Variants in SHISA5 observed in about 807,000 individuals in gnomAD.
SHISA5 encodes shisa family member 5.
Under a neutral mutation model 27.5 loss-of-function variants are expected in SHISA5, and 21 were observed. The ratio of observed to expected loss-of-function variants is 0.76; its 90% CI spans 0.54 to 1.10. The LOEUF is 1.10. Among genes scored for constraint, SHISA5 ranks in the 50% least tolerant of loss-of-function variants. The probability of loss-of-function intolerance (pLI) is 0.00; values close to 1 mark genes in which losing one functional copy is unlikely to be tolerated. For synonymous variants in SHISA5, 137 were observed against 142.2 expected (o/e 0.96, Z 0.26); for missense variants, 314 against 336.3 (o/e 0.93, Z 0.52).
chr3:48,491,421 C>T (rs62264271), intron 2 of SHISA5, among the ~76,000 whole-genome samples: 36,556 of 151,756 alleles, frequency 0.24, 5,429 homozygotes, highest in East Asian at 0.64. Context: ...CCCGGCCTAA[C>T]CAATGTATTT....
Position 48,469,497 on chromosome 3 carries a change from G to A in SHISA5, c.507C>T (p.Tyr169=). ...YPQPPSVPPS[Y]PGPSYQGYHT... Reference sequence around the variant, plus strand: ...GGTAGCCCTGGTAGCTTGGTCCAGGGTAGCTGGGCGGCACACTTGGAGGCT... The same window carrying A: ...GGTAGCCCTGGTAGCTTGGTCCAGGATAGCTGGGCGGCACACTTGGAGGCT... Residue 169 remains tyrosine (Y), a synonymous_variant, in exon 5 of 6, where the codon TAC becomes TAT. Coordinates refer to ENST00000296444, the MANE Select transcript of SHISA5 (RefSeq NM_016479.6). This position sits in a 1 kb window ranked among gnomAD's most constrained non-coding sequence, Gnocchi z 4.6. The A allele has an allele frequency of 3.1e-6, 5 of 1,613,956 alleles. No individual in the cohort carries two copies. The highest frequency in any genetic ancestry group is 3.4e-6 in the Non-Finnish European group (4 of 1,179,932).
intron 2 of SHISA5, among the ~76,000 whole-genome samples, chr3:48,480,264 C>T (rs1474097213): frequency 6.6e-6 from 1 of 150,850 alleles, no homozygotes; most frequent in African/African-American, 2.5e-5. Flanking sequence ...AAAACTCCTA[C>T]CTTGGGAAAC....
intron 2 of SHISA5, among the ~76,000 whole-genome samples, chr3:48,495,726 T>C (rs1429159393): frequency 6.8e-6 from 1 of 147,420 alleles, no homozygotes; most frequent in Non-Finnish European, 1.5e-5. Context: ...TTTCACTGTG[T>C]TGGCCAGCCT....
At position 48,468,397 on chromosome 3, in the gene SHISA5, C is replaced by A; in HGVS notation, c.*710G>T. 9.1e-7 allele frequency: 1 copy of A among 1,097,810 alleles called. No homozygotes were observed. The highest frequency in any genetic ancestry group is 2.4e-5 in the South Asian group (1 of 41,026). The allele number at this position is 1,097,810 out of a possible 1,614,324, so 68.0% of individuals were successfully genotyped here. On this transcript the variant is annotated 3_prime_UTR_variant, in exon 6 of 6. Coordinates refer to ENST00000296444, the MANE Select transcript of SHISA5 (RefSeq NM_016479.6). ...CTAGGCTGTGTGTGCATGTGGCCCT[C>A]CAGCTGGTCCCAGGGGAGATGCGGG...
chr3:48,468,867 A>G lies in SHISA5; in HGVS notation c.*240T>C, dbSNP rs1447667576. ...TTTGGCTTGAGATTTTAGGAAGCATAATTTCAGGTGAGGAAGAGAACAAAG... is the reference window on the plus strand; with the variant it reads ...TTTGGCTTGAGATTTTAGGAAGCATGATTTCAGGTGAGGAAGAGAACAAAG... On this transcript the variant is annotated 3_prime_UTR_variant, in exon 6 of 6. Coordinates refer to ENST00000296444, the MANE Select transcript of SHISA5 (RefSeq NM_016479.6). The G allele has an allele frequency of 1.3e-6, 2 of 1,524,684 alleles. No individual in the cohort carries two copies. Among genetic ancestry groups the G allele is most frequent in the Non-Finnish European group, 8.8e-7 (1 of 1,139,754 alleles). 94.4% of individuals were successfully genotyped at this position (1,524,684 alleles called of 1,614,324 possible).
intron 2 of SHISA5, among the ~76,000 whole-genome samples, chr3:48,500,807 A>G (rs964716023): frequency 7.2e-5 from 11 of 152,208 alleles, no homozygotes; most frequent in Admixed American, 5.9e-4. Context: ...GTCAAGCCCA[A>G]GTACCCACCC....
Position 48,501,118 on chromosome 3 carries a change from G to A in SHISA5, c.233+19C>T, listed in dbSNP as rs2041739809. 6.2e-7 allele frequency: 1 copy of A among 1,601,882 alleles called. No homozygotes were observed. The highest frequency in any genetic ancestry group is 2.3e-5 in the East Asian group (1 of 44,262). On this transcript the variant is annotated intron_variant, in intron 2 of 5. Transcript: ENST00000296444. ...CACAGGCTCAAGCCACCCACCCTGT[G>A]ACCCACTGGTGCACCCACCTGGCCT...
In SHISA5 at chr3:48,469,971, G is replaced by A; in HGVS notation, c.315-128C>T. 2 of 1,261,748 alleles carry A rather than the reference G, an allele frequency of 1.6e-6. No individual in the cohort carries two copies. The highest frequency in any genetic ancestry group is 2.2e-6 in the Non-Finnish European group (2 of 915,970). 78.2% of individuals were successfully genotyped at this position (1,261,748 alleles called of 1,614,324 possible). On this transcript the variant is annotated intron_variant, in intron 3 of 5. Transcript: ENST00000296444. The surrounding 1 kb of genome is among the most constrained non-coding windows in gnomAD (Gnocchi z 4.6). ...TACAGTTATAGCTACTTCCTTGTCGGGTGGCCTGCACCTGTTTCAATCTGT... is the reference window on the plus strand; with the variant it reads ...TACAGTTATAGCTACTTCCTTGTCGAGTGGCCTGCACCTGTTTCAATCTGT...
At chr3:48,493,663 C>A (rs2041486434) in intron 2 of SHISA5, among the ~76,000 whole-genome samples, 1 of 142,668 alleles carries the variant, frequency 7.0e-6, no homozygotes, top group Admixed American at 6.9e-5. Context: ...TCCTGAGTAG[C>A]TGGGATTACA....
At chr3:48,477,138 C>T in intron 3 of SHISA5, 2 of 428,666 alleles carry the variant, frequency 4.7e-6, no homozygotes, top group South Asian at 3.4e-5. Flanking sequence ...AACAACCCTT[C>T]ACATGGATTC....
intron 3 of SHISA5, 60 bp downstream of exon 3, chr3:48,479,117 C>T (rs934774526): frequency 6.8e-7 from 1 of 1,478,274 alleles, no homozygotes. Flanking sequence ...ACACTGGCCC[C>T]CCTGAGCCCT....
intron 1 of SHISA5, chr3:48,503,590 C>A (rs2041816731): frequency 1.8e-6 from 1 of 559,444 alleles, no homozygotes; most frequent in East Asian, 9.7e-5. Context: ...TCTACAGGAA[C>A]ACAAGGGCCA....
chr3:48,479,120 T>A, intron 3 of SHISA5, 57 bp downstream of exon 3: 1 of 1,498,166 alleles, frequency 6.7e-7, no homozygotes, highest in East Asian at 2.4e-5. Context: ...CTGGCCCCCC[T>A]GAGCCCTCTT....
Position 48,469,011 on chromosome 3 carries a change from C to T in SHISA5, c.*96G>A, listed in dbSNP as rs778567991. 6.2e-7 allele frequency: 1 copy of T among 1,602,932 alleles called. No individual in the cohort carries two copies. ...GGGCGTAAGGAACCGTGCCTGGACA[C>T]ACACAGCACACATGGGGCGTAAGGA... On this transcript the variant is annotated 3_prime_UTR_variant, in exon 6 of 6. Transcript: ENST00000296444. The surrounding 1 kb of genome is among the most constrained non-coding windows in gnomAD (Gnocchi z 4.6).
At chr3:48,478,749 G>A (rs1049984029) in intron 3 of SHISA5, among the ~76,000 whole-genome samples, 6 of 152,048 alleles carry the variant, frequency 3.9e-5, no homozygotes, top group African/African-American at 1.5e-4. Flanking sequence ...AATACCATGT[G>A]CTTGCCAGCA....
chr3:48,503,937 T>C, intron 1 of SHISA5, 82 bp downstream of exon 1: 1 of 1,396,392 alleles, frequency 7.2e-7, no homozygotes, highest in Non-Finnish European at 9.3e-7. Context: ...GGGCTGGTGC[T>C]GCCCGGCTCG....
At chr3:48,493,756 C>T in intron 2 of SHISA5, among the ~76,000 whole-genome samples, 1 of 146,464 alleles carries the variant, frequency 6.8e-6, no homozygotes, top group South Asian at 2.1e-4. Flanking sequence ...TGGTCTTGAA[C>T]TCCTGACCTC....
intron 2 of SHISA5, among the ~76,000 whole-genome samples, chr3:48,490,664 CT>C (rs1293871209): frequency 2.6e-5 from 4 of 152,132 alleles, no homozygotes; most frequent in African/African-American, 9.7e-5. Context: ...TCATGATTTA[CT>C]TTCCAACCTG....
At chr3:48,483,824 C>A (rs867320388) in intron 2 of SHISA5, among the ~76,000 whole-genome samples, 711 of 68,560 alleles carry the variant, frequency 0.01, 1 homozygote, top group Admixed American at 0.018. Context: ...GGCTGACCCC[C>A]CCACCTCCCT....
Sources: gnomAD v4.1 joint callset for allele counts (sites outside exome capture counted in the v4.1 genomes callset) on GRCh38, gnomAD v4.1.1 for gene constraint, Gnocchi (gnomAD v3.1) non-coding constraint, MANE v1.5 for transcripts, NCBI Gene and HGNC (gene_info 2026-07-23, HGNC 2026-07-21) for gene names.